TMEM132D: variants seen among roughly 807,000 people sequenced by gnomAD.
The protein encoded by TMEM132D is transmembrane protein 132D, also known as mature OL transmembrane protein.
In TMEM132D, 21 loss-of-function variants were observed where a neutral mutation model predicts 62.3. The ratio of observed to expected loss-of-function variants is 0.34; its 90% CI spans 0.24 to 0.49. The LOEUF (loss-of-function observed/expected upper bound fraction) is 0.49, where lower values mean the gene tolerates loss of function less well. Ranked by LOEUF, TMEM132D falls within the 20% of genes least tolerant of loss-of-function variation. TMEM132D has a pLI of 0.99. For missense variants in TMEM132D, 1,346 were observed against 1,402.8 expected (o/e 0.96, Z 0.65); for synonymous variants, 621 against 575.6 (o/e 1.08, Z -1.13).
intron 4 of TMEM132D, among the ~76,000 whole-genome samples, chr12:129,294,474 C>T (rs911345537): frequency 7.3e-6 from 1 of 136,904 alleles, no homozygotes; most frequent in South Asian, 2.4e-4. Flanking sequence ...GGGCCTCTCA[C>T]CCAGTCTTTC....
chr12:129,263,392 A>T (rs1054901861), intron 4 of TMEM132D, among the ~76,000 whole-genome samples: 3 of 152,126 alleles, frequency 2.0e-5, no homozygotes, highest in Non-Finnish European at 2.9e-5. Context: ...ATGCTATCTT[A>T]TCTCTATTTT....
chr12:129,394,027 C>A (rs1273161220), intron 3 of TMEM132D, among the ~76,000 whole-genome samples: 2 of 152,190 alleles, frequency 1.3e-5, no homozygotes, highest in Admixed American at 1.3e-4. Context: ...ACGATGTTTT[C>A]ATTGTCACCA....
chr12:129,513,848 A>ATTTATTTT (rs1241155328), intron 3 of TMEM132D, among the ~76,000 whole-genome samples: 117 of 112,764 alleles, frequency 1.0e-3, no homozygotes, highest in Non-Finnish European at 1.8e-3. Flanking sequence ...TTATTTATTT[A>ATTTATTTT]TTTTTTTGAG....
At chr12:129,743,025 G>A (rs4760002) in intron 1 of TMEM132D, among the ~76,000 whole-genome samples, 3,203 of 152,344 alleles carry the variant, frequency 0.021, 191 homozygotes, top group East Asian at 0.14. Flanking sequence ...AAGGGTCTCA[G>A]GGAAAGTTTT....
chr12:129,717,289 G>A (rs113308709), intron 1 of TMEM132D, among the ~76,000 whole-genome samples: 24 of 152,240 alleles, frequency 1.6e-4, no homozygotes, highest in African/African-American at 4.6e-4. Context: ...ATGTGACATC[G>A]TCATTCTGTG....
intron 2 of TMEM132D, among the ~76,000 whole-genome samples, chr12:129,661,256 C>G (rs1880230140): frequency 6.6e-6 from 1 of 152,200 alleles, no homozygotes; most frequent in African/African-American, 2.4e-5. Context: ...CGCAGGCATA[C>G]TGGAGTGGCG....
chr12:129,372,277 C>CA (rs1870628357), intron 3 of TMEM132D, among the ~76,000 whole-genome samples: 1 of 152,176 alleles, frequency 6.6e-6, no homozygotes, highest in South Asian at 2.1e-4. Context: ...TTGTTTTAGG[C>CA]CAGGGGTCCC....
intron 5 of TMEM132D, among the ~76,000 whole-genome samples, chr12:129,173,377 C>G (rs1042216299): frequency 1.2e-4 from 18 of 152,146 alleles, no homozygotes; most frequent in Non-Finnish European, 2.4e-4. Flanking sequence ...TATTTCTTAC[C>G]TTGTACCTAA....
At chr12:129,225,680 C>A (rs1229819291) in intron 4 of TMEM132D, among the ~76,000 whole-genome samples, 1 of 152,118 alleles carries the variant, frequency 6.6e-6, no homozygotes, top group African/African-American at 2.4e-5. Flanking sequence ...GTAAATAAGG[C>A]TGCTTATTAG....
intron 1 of TMEM132D, among the ~76,000 whole-genome samples, chr12:129,865,124 A>G (rs2137371805): frequency 6.6e-6 from 1 of 152,318 alleles, no homozygotes; most frequent in East Asian, 1.9e-4. Context: ...GTGCCGTAAA[A>G]GTGATGCACT....
Position 129,882,025 on chromosome 12 carries a change from A to G in TMEM132D, c.79+21236T>C, listed in dbSNP as rs1165571278. ...GTTATTTCTATCTATTTGACAATGT[A>G]GATAAAATGAACCAATTCATTAAAA... On this transcript the variant is annotated intron_variant, in intron 1 of 8. Coordinates refer to ENST00000422113, the MANE Select transcript of TMEM132D (RefSeq NM_133448.3). 2.6e-5 allele frequency among the ~76,000 whole-genome samples: 4 copies of G among 152,086 alleles called. 1 individual carries two copies. Among genetic ancestry groups the G allele is most frequent in the Non-Finnish European group, 5.9e-5 (4 of 67,962 alleles).
At chr12:129,397,160 T>C (rs1023771548) in intron 3 of TMEM132D, among the ~76,000 whole-genome samples, 1 of 152,232 alleles carries the variant, frequency 6.6e-6, no homozygotes, top group African/African-American at 2.4e-5. Context: ...GAGCCCATTT[T>C]CTACCTTCAA....
intron 2 of TMEM132D, among the ~76,000 whole-genome samples, chr12:129,694,298 G>T (rs1450325607): frequency 6.6e-6 from 1 of 152,128 alleles, no homozygotes; most frequent in Non-Finnish European, 1.5e-5. Context: ...GTGCAATCAG[G>T]AGAAAGAGCA....
At chr12:129,219,746 C>T (rs535721491) in intron 4 of TMEM132D, among the ~76,000 whole-genome samples, 1 of 152,310 alleles carries the variant, frequency 6.6e-6, no homozygotes, top group Admixed American at 6.5e-5. Context: ...TGAAAGCTCA[C>T]TTGATAAGAT....
chr12:129,545,194 G>A (rs1338472531), intron 2 of TMEM132D, among the ~76,000 whole-genome samples: 4 of 152,122 alleles, frequency 2.6e-5, no homozygotes, highest in Non-Finnish European at 4.4e-5. Context: ...GGGAGAGTGT[G>A]AGATTTGATC....
At chr12:129,889,109 T>C (rs907841324) in intron 1 of TMEM132D, among the ~76,000 whole-genome samples, 1 of 152,136 alleles carries the variant, frequency 6.6e-6, no homozygotes, top group African/African-American at 2.4e-5. Flanking sequence ...AGTGTCTGAA[T>C]AGAACACAGG....
chr12:129,403,252 G>A (rs1470374438), intron 3 of TMEM132D, among the ~76,000 whole-genome samples: 2 of 148,106 alleles, frequency 1.4e-5, no homozygotes, highest in East Asian at 2.0e-4. Context: ...GCTCCAGCCC[G>A]CGGAGGTTAG....
At chr12:129,743,427 C>T (rs962573045) in intron 1 of TMEM132D, among the ~76,000 whole-genome samples, 1 of 152,158 alleles carries the variant, frequency 6.6e-6, no homozygotes, top group Non-Finnish European at 1.5e-5. Flanking sequence ...CCCCCTTTTA[C>T]TCAGCACTTC....
At position 129,625,282 on chromosome 12, in the gene TMEM132D, G is replaced by A. The variant is rs144351976; in HGVS notation, c.968+74528C>T. ...ATTCTTTTCAATATCATCAAGTTAC[G>A]GCACAGGTACCCAACATTTTTGTAA... On this transcript the variant is annotated intron_variant, in intron 2 of 8. Coordinates refer to ENST00000422113, the MANE Select transcript of TMEM132D (RefSeq NM_133448.3). Among the ~76,000 whole-genome samples, 59 of 152,004 alleles carry A rather than the reference G, an allele frequency of 3.9e-4. No homozygotes were observed. In the East Asian group the frequency reaches 7.0e-3, roughly 18 times the overall value.
Sources: allele counts gnomAD v4.1 joint callset (sites outside exome capture counted in the v4.1 genomes callset), GRCh38; gene constraint gnomAD v4.1.1; transcripts MANE v1.5; gene names NCBI Gene and HGNC (gene_info 2026-07-23, HGNC 2026-07-21).